Variants in LINGO2 observed in about 807,000 individuals in gnomAD.
LINGO2 encodes leucine-rich repeat and immunoglobulin-like domain-containing nogo receptor-interacting protein 2.
LINGO2 carries 14 observed loss-of-function variants against 30.6 expected under a neutral mutation model. That is an observed-to-expected ratio of 0.46 (90% CI 0.30 to 0.72). The LOEUF is 0.72. Among genes scored for constraint, LINGO2 ranks in the 30% least tolerant of loss-of-function variants. The probability of loss-of-function intolerance (pLI) is 0.07; values close to 1 mark genes in which losing one functional copy is unlikely to be tolerated. For synonymous variants in LINGO2, 317 were observed against 288.5 expected (o/e 1.10, Z -1.00); for missense variants, 729 against 751.7 (o/e 0.97, Z 0.35).
intron 1 of LINGO2, among the ~76,000 whole-genome samples, chr9:28,630,637 C>G (rs140964620): frequency 7.9e-5 from 12 of 152,136 alleles, no homozygotes; most frequent in Non-Finnish European, 1.8e-4. Flanking sequence ...CTAATGCTAT[C>G]AAAACTAACC....
the LINGO2 span, among the ~76,000 whole-genome samples, chr9:28,908,417 G>A: frequency 1.1e-4 from 16 of 151,780 alleles, no homozygotes; most frequent in African/African-American, 3.9e-4. Flanking sequence ...AAGAATGATT[G>A]CTCTCTCAAG....
intron 4 of LINGO2, among the ~76,000 whole-genome samples, chr9:28,093,102 CTG>C (rs1365774026): frequency 2.0e-5 from 3 of 152,040 alleles, no homozygotes; most frequent in African/African-American, 7.2e-5. Context: ...TTTTTTATCT[CTG>C]TGCTAATTAC....
chr9:28,246,712 A>T (rs535008690), intron 4 of LINGO2, among the ~76,000 whole-genome samples: 45 of 152,278 alleles, frequency 3.0e-4, no homozygotes, highest in African/African-American at 1.1e-3. Flanking sequence ...GTATGATGAC[A>T]TCTCCAGAAG....
the LINGO2 span, among the ~76,000 whole-genome samples, chr9:28,848,004 T>C: frequency 1.8e-4 from 11 of 61,118 alleles, no homozygotes; most frequent in Non-Finnish European, 3.6e-4. Flanking sequence ...TGTACATATA[T>C]ACATACATAT....
chr9:28,715,458 A>G, the LINGO2 span, among the ~76,000 whole-genome samples: 1 of 152,124 alleles, frequency 6.6e-6, no homozygotes, highest in Non-Finnish European at 1.5e-5. Context: ...TTATTCTGCA[A>G]TGTACACTTA....
rs1231985897 is a variant in LINGO2, at chr9:27,966,347, T to C, written c.-35-15641A>G. On this transcript the variant is annotated intron_variant, in intron 5 of 5. Transcript: ENST00000379992. ...CTAAAGATACAGTTAGGACAAGCTA[T>C]GAAATACATGCCTCAATATACACCA... is the stretch of plus-strand genomic sequence containing the variant. 3.3e-5 allele frequency among the ~76,000 whole-genome samples: 5 copies of C among 152,228 alleles called. No individual in the cohort carries two copies. In the East Asian group the frequency reaches 9.7e-4, roughly 29 times the overall value.
intron 1 of LINGO2, among the ~76,000 whole-genome samples, chr9:28,508,609 C>A (rs895832811): frequency 1.7e-4 from 26 of 151,734 alleles, no homozygotes; most frequent in Non-Finnish European, 1.6e-4. Context: ...TTTTGTTAAC[C>A]CCCCAATTTT....
At chr9:29,147,291 T>C in the LINGO2 span, among the ~76,000 whole-genome samples, 1 of 151,934 alleles carries the variant, frequency 6.6e-6, no homozygotes, top group African/African-American at 2.4e-5. Context: ...GATTCAAATA[T>C]CTGTGTCACT....
intron 4 of LINGO2, among the ~76,000 whole-genome samples, chr9:28,012,633 C>T (rs1254055175): frequency 6.6e-6 from 1 of 151,938 alleles, no homozygotes; most frequent in African/African-American, 2.4e-5. Flanking sequence ...GATTGGCAAC[C>T]CCTCCATACC....
chr9:29,117,649 G>A, the LINGO2 span, among the ~76,000 whole-genome samples: 1 of 152,144 alleles, frequency 6.6e-6, no homozygotes, highest in Admixed American at 6.6e-5. Flanking sequence ...CAGGAGCAGT[G>A]TTCAGCTAGA....
the LINGO2 span, among the ~76,000 whole-genome samples, chr9:29,201,930 T>C: frequency 3.3e-5 from 5 of 152,024 alleles, no homozygotes; most frequent in Admixed American, 3.3e-4. Context: ...TCAATGGCAG[T>C]CAGAATTTGA....
chr9:28,721,853 A>AT, the LINGO2 span, among the ~76,000 whole-genome samples: 1 of 151,948 alleles, frequency 6.6e-6, no homozygotes, highest in African/African-American at 2.4e-5. Context: ...TGGAGATACA[A>AT]TTTTTTTCAC....
intron 3 of LINGO2, among the ~76,000 whole-genome samples, chr9:28,322,843 T>C (rs968970267): frequency 6.6e-5 from 10 of 152,184 alleles, no homozygotes; most frequent in African/African-American, 2.4e-4. Flanking sequence ...AATCATTCAG[T>C]GAAAGTAATA....
the LINGO2 span, among the ~76,000 whole-genome samples, chr9:28,905,691 T>C: frequency 0.9 from 136,235 of 152,070 alleles, 61,311 homozygotes; most frequent in Non-Finnish European, 0.94. Flanking sequence ...CAAAAGGGAA[T>C]TCTTTAACAC....
At chr9:29,166,216 T>G in the LINGO2 span, among the ~76,000 whole-genome samples, 4 of 152,242 alleles carry the variant, frequency 2.6e-5, no homozygotes, top group South Asian at 8.3e-4. Context: ...TATATACTTT[T>G]CTTTTTCTCC....
chr9:29,212,717 T>G, the LINGO2 span, among the ~76,000 whole-genome samples: 24 of 152,142 alleles, frequency 1.6e-4, no homozygotes, highest in Admixed American at 1.5e-3. Flanking sequence ...TCAGAAAGTG[T>G]GAGGACAGGA....
chr9:28,337,094 A>T (rs1366085800), intron 3 of LINGO2, among the ~76,000 whole-genome samples: 3 of 149,274 alleles, frequency 2.0e-5, no homozygotes, highest in African/African-American at 7.3e-5. Context: ...TAAAAGCATA[A>T]ATATTATATA....
chr9:28,149,233 G>A lies in LINGO2; in HGVS notation c.-86-136828C>T, dbSNP rs985833810. On this transcript the variant is annotated intron_variant, in intron 4 of 5. Coordinates refer to ENST00000379992, the Ensembl canonical transcript of LINGO2. ...AGGGCAGGCGTGGTGGCCCACGCCT[G>A]TAATCAAGCACTTTGGGAGGCCCAG... is the stretch of plus-strand genomic sequence containing the variant. 6.8e-5 allele frequency: 62 copies of A among 906,448 alleles called. 1 individual carries two copies. In the African/African-American group the frequency reaches 1.0e-3, roughly 15 times the overall value. The allele number at this position is 906,448 out of a possible 1,614,324, so 56.2% of individuals were successfully genotyped here. A position where few individuals can be genotyped will look rare whatever the true frequency, so the allele number is the denominator to read the frequency against.
At position 28,508,183 on chromosome 9, in the gene LINGO2, C is replaced by T. The variant is rs1490354695; in HGVS notation, c.-364-32158G>A. ...AATACACATATTTCCCTACCTGTTA[C>T]TTTAGGCTACTGCTTTGTACATTTG... On this transcript the variant is annotated intron_variant, in intron 1 of 5. Coordinates refer to ENST00000379992, the Ensembl canonical transcript of LINGO2. Among the ~76,000 whole-genome samples, 7 of 152,026 alleles carry T rather than the reference C, an allele frequency of 4.6e-5. No individual in the cohort carries two copies. In the East Asian group the frequency reaches 1.2e-3, roughly 25 times the overall value.
Sources: allele counts gnomAD v4.1 joint callset (sites outside exome capture counted in the v4.1 genomes callset), GRCh38; gene constraint gnomAD v4.1.1; transcripts MANE v1.5; gene names NCBI Gene and HGNC (gene_info 2026-07-23, HGNC 2026-07-21).